Variants in CCDC181 observed in about 807,000 individuals in gnomAD.
CCDC181 encodes coiled-coil domain containing 181, also known as coiled-coil domain-containing protein 181.
CCDC181 carries 35 observed loss-of-function variants against 58.7 expected under a neutral mutation model. The observed-to-expected ratio is 0.60, with a 90% CI of 0.46 to 0.79. The LOEUF is 0.79. Among genes scored for constraint, CCDC181 ranks in the 30% least tolerant of loss-of-function variants. CCDC181 has a pLI of 0.00. For synonymous variants in CCDC181, 183 were observed against 197.5 expected (o/e 0.93, Z 0.62); for missense variants, 517 against 583.9 (o/e 0.89, Z 1.18).
intron 2 of CCDC181, among the ~76,000 whole-genome samples, chr1:169,438,382 G>A (rs1657114141): frequency 6.6e-6 from 1 of 151,938 alleles, no homozygotes; most frequent in African/African-American, 2.4e-5. Context: ...GCTTCCATAA[G>A]AATGGAGCAG....
At chr1:169,438,803 G>A (rs539782673) in intron 2 of CCDC181, among the ~76,000 whole-genome samples, 1 of 152,244 alleles carries the variant, frequency 6.6e-6, no homozygotes, top group South Asian at 2.1e-4. Context: ...AAATAAGGGG[G>A]GGTTCTGAGT....
At chr1:169,401,321 T>C (rs192292938) in intron 4 of CCDC181, among the ~76,000 whole-genome samples, 8 of 152,294 alleles carry the variant, frequency 5.3e-5, no homozygotes, top group Non-Finnish European at 1.2e-4. Flanking sequence ...AGCACGGAGT[T>C]TGAGATCTGA....
chr1:169,408,745 A>G (rs139197234), intron 4 of CCDC181, among the ~76,000 whole-genome samples: 1,690 of 152,304 alleles, frequency 0.011, 19 homozygotes, highest in Middle Eastern at 0.044. Context: ...CAAGCAAACA[A>G]GGTCTGGAGA....
upstream of CCDC181, among the ~76,000 whole-genome samples, chr1:169,430,013 T>C (rs1656868180): frequency 6.6e-6 from 1 of 152,196 alleles, no homozygotes; most frequent in South Asian, 2.1e-4. Context: ...AGTTTCATTT[T>C]TCTACATGTT....
At chr1:169,446,624 C>T (rs1314790213) in intron 2 of CCDC181, among the ~76,000 whole-genome samples, 1 of 152,008 alleles carries the variant, frequency 6.6e-6, no homozygotes, top group East Asian at 1.9e-4. Context: ...AAAAGTAAAA[C>T]CAATAAAAAT....
Position 169,421,516 on chromosome 1 carries a change from A to G in CCDC181, c.915T>C (p.Ala305=), listed in dbSNP as rs2102090815. ...PLNRKTCPSS[A]VNSDRSKGNG... Reference sequence around the variant, plus strand: ...TCCCTTTACTTCGATCTGAGTTGACAGCAGAGCTTGGACAAGTCTTGCGGT... The same window carrying G: ...TCCCTTTACTTCGATCTGAGTTGACGGCAGAGCTTGGACAAGTCTTGCGGT... Residue 305 remains alanine (A), a synonymous_variant, in exon 3 of 6, where the codon GCT becomes GCC. Coordinates refer to ENST00000367806, the MANE Select transcript of CCDC181 (RefSeq NM_001300969.2). The G allele has an allele frequency of 5.0e-6, 8 of 1,614,136 alleles. No homozygotes were observed. In the East Asian group the frequency reaches 1.3e-4, roughly 27 times the overall value.
At chr1:169,453,371 A>C (rs1474748060) in intron 2 of CCDC181, among the ~76,000 whole-genome samples, 1 of 152,146 alleles carries the variant, frequency 6.6e-6, no homozygotes, top group East Asian at 1.9e-4. Flanking sequence ...ATAGTAATGT[A>C]TGTGAAACTT....
chr1:169,449,728 C>A lies in CCDC181; in HGVS notation c.-24+10069G>T, dbSNP rs561654998. ...GAAAGATGAAGGCTGGAAGACTCAG[C>A]CAGTCTGGTCTTTCCACCTTCTTCT... On this transcript the variant is annotated intron_variant, in intron 2 of 6. Coordinates refer to the CCDC181 transcript ENST00000545005. Among the ~76,000 whole-genome samples the A allele has an allele frequency of 1.4e-4, 21 of 152,328 alleles. No individual in the cohort carries two copies. In the South Asian group the frequency reaches 4.3e-3, roughly 32 times the overall value.
chr1:169,433,374 A>C (rs1412564339), intron 2 of CCDC181, among the ~76,000 whole-genome samples: 1 of 151,992 alleles, frequency 6.6e-6, no homozygotes, highest in Non-Finnish European at 1.5e-5. Context: ...GTATTACCCA[A>C]AGTAGATATG....
intron 4 of CCDC181, among the ~76,000 whole-genome samples, chr1:169,398,352 A>G (rs1307825030): frequency 6.6e-6 from 1 of 152,210 alleles, no homozygotes; most frequent in Non-Finnish European, 1.5e-5. Flanking sequence ...TAATTACACA[A>G]TGTGTACATG....
At chr1:169,419,904 A>T (rs1217722344) in intron 3 of CCDC181, among the ~76,000 whole-genome samples, 1 of 152,218 alleles carries the variant, frequency 6.6e-6, no homozygotes, top group Non-Finnish European at 1.5e-5. Context: ...ATGGGCATAA[A>T]AAAGCAAAGC....
Position 169,422,269 on chromosome 1 carries a change from CTCTTT to C in CCDC181, c.157_161del (p.Lys53GlufsTer2), listed in dbSNP as rs1656514335. The C allele has an allele frequency of 2.5e-6, 4 of 1,597,430 alleles. No homozygotes were observed. Among genetic ancestry groups the C allele is most frequent in the Non-Finnish European group, 3.4e-6 (4 of 1,167,744 alleles). On this transcript the variant is annotated frameshift_variant, in exon 3 of 6. Coordinates refer to ENST00000367806, the MANE Select transcript of CCDC181 (RefSeq NM_001300969.2). LOFTEE classifies it high-confidence loss of function. ...TGGTGTGCTCCATTACTGTCTCATTCTCTTTTAAGTCTTGGTTAATATTCTCTTCC... is the reference window on the plus strand; with the variant it reads ...TGGTGTGCTCCATTACTGTCTCATTCTAAGTCTTGGTTAATATTCTCTTCC...
chr1:169,456,010 TA>T (rs1657667856), intron 2 of CCDC181, among the ~76,000 whole-genome samples: 1 of 152,180 alleles, frequency 6.6e-6, no homozygotes, highest in Admixed American at 6.5e-5. Context: ...TCTCCTTAAT[TA>T]AAGACTAGAC....
chr1:169,445,229 C>A (rs1657340997), intron 2 of CCDC181, among the ~76,000 whole-genome samples: 1 of 152,084 alleles, frequency 6.6e-6, no homozygotes, highest in African/African-American at 2.4e-5. Context: ...TTAGGGGGGA[C>A]AAAATGCCCA....
chr1:169,402,010 C>T (rs1255983246), intron 4 of CCDC181, among the ~76,000 whole-genome samples: 1 of 152,136 alleles, frequency 6.6e-6, no homozygotes. Context: ...GCGATGCATG[C>T]ACAACCTTCA....
At chr1:169,436,072 G>C (rs760913382) in intron 2 of CCDC181, among the ~76,000 whole-genome samples, 1 of 152,132 alleles carries the variant, frequency 6.6e-6, no homozygotes, top group African/African-American at 2.4e-5. Flanking sequence ...AACTAAGCTT[G>C]AGCCATTTTT....
intron 2 of CCDC181, among the ~76,000 whole-genome samples, chr1:169,424,418 T>G (rs1233513719): frequency 6.6e-6 from 1 of 151,920 alleles, no homozygotes; most frequent in African/African-American, 2.4e-5. Context: ...AGGATTTGCT[T>G]TATTTTTCAT....
At chr1:169,411,788 T>A (rs763583668) in intron 4 of CCDC181, among the ~76,000 whole-genome samples, 1 of 152,178 alleles carries the variant, frequency 6.6e-6, no homozygotes, top group Non-Finnish European at 1.5e-5. Context: ...CACACAATTA[T>A]CTCAATAGTT....
chr1:169,449,493 G>A (rs532147821), intron 2 of CCDC181, among the ~76,000 whole-genome samples: 21 of 152,326 alleles, frequency 1.4e-4, no homozygotes, highest in African/African-American at 5.1e-4. Flanking sequence ...CAATCACAAG[G>A]TGAAGTCCCA....
Sources: gnomAD v4.1 joint callset for allele counts (sites outside exome capture counted in the v4.1 genomes callset) on GRCh38, gnomAD v4.1.1 for gene constraint, MANE v1.5 for transcripts, NCBI Gene and HGNC (gene_info 2026-07-23, HGNC 2026-07-21) for gene names.